CHD2: variants seen among roughly 807,000 people sequenced by gnomAD.
CHD2 encodes ATP-dependent chromatin remodeler CHD2.
In CHD2, 28 loss-of-function variants were observed where a neutral mutation model predicts 243.9. That is an observed-to-expected ratio of 0.11 (90% CI 0.09 to 0.16). CHD2 has a LOEUF of 0.16. Among genes scored for constraint, CHD2 ranks in the 10% least tolerant of loss-of-function variants. CHD2 has a pLI of 1.00. For missense variants in CHD2, 1,386 were observed against 2,209.8 expected, an observed-to-expected ratio of 0.63 and a Z score of 7.47; for synonymous variants, 775 against 779.0, an observed-to-expected ratio of 0.99 and a Z score of 0.09.
intron 5 of CHD2, 132 bp downstream of exon 5, chr15:92,929,223 G>A (rs1389138249): frequency 2.3e-5 from 18 of 775,494 alleles, no homozygotes; most frequent in Non-Finnish European, 6.3e-6. Flanking sequence ...ACTAGCTCGG[G>A]TGACTGTCTA....
chr15:92,924,668 T>C, intron 3 of CHD2, 116 bp downstream of exon 3: 1 of 822,140 alleles, frequency 1.2e-6, no homozygotes, highest in Non-Finnish European at 2.0e-6. Context: ...CAGCCATTTT[T>C]TCTAGTAATA....
intron 26 of CHD2, 75 bp downstream of exon 26, chr15:92,985,748 A>G: frequency 2.0e-6 from 3 of 1,463,516 alleles, no homozygotes; most frequent in Non-Finnish European, 2.8e-6. Flanking sequence ...TGGATCCTGG[A>G]CATCGTGACA....
chr15:92,944,527 G>A lies in CHD2; in HGVS notation c.1153+12G>A, dbSNP rs1331350556. ...AGAAAGAGTAATAGGTAAGTACATGGTAACTCACTTCAGCCATATTTGAAC... is the reference window on the plus strand; with the variant it reads ...AGAAAGAGTAATAGGTAAGTACATGATAACTCACTTCAGCCATATTTGAAC... On this transcript the variant is annotated intron_variant, in intron 10 of 38. Transcript: ENST00000394196. The A allele has an allele frequency of 1.5e-6, 2 of 1,362,444 alleles. No homozygotes were observed. Among genetic ancestry groups the A allele is most frequent in the Middle Eastern group, 1.9e-4 (1 of 5,402 alleles). The allele number at this position is 1,362,444 out of a possible 1,614,324, so 84.4% of individuals were successfully genotyped here.
intron 16 of CHD2, among the ~76,000 whole-genome samples, chr15:92,959,795 A>G (rs936149426): frequency 6.6e-6 from 1 of 152,208 alleles, no homozygotes; most frequent in African/African-American, 2.4e-5. Context: ...CCCGGCCTAG[A>G]CTGCTTTTTA....
At chr15:93,005,105 A>G (rs777108452) in intron 34 of CHD2, among the ~76,000 whole-genome samples, 2 of 152,162 alleles carry the variant, frequency 1.3e-5, no homozygotes, top group Non-Finnish European at 2.9e-5. Context: ...TGAATAGATA[A>G]CCATTTCTAT....
chr15:93,002,950 T>G (rs557638938), intron 33 of CHD2, among the ~76,000 whole-genome samples: 56 of 152,336 alleles, frequency 3.7e-4, no homozygotes, highest in African/African-American at 1.2e-3. Context: ...TGAAATTTTA[T>G]ATTAAATATA....
intron 2 of CHD2, chr15:92,904,724 A>G: frequency 1.4e-6 from 2 of 1,399,868 alleles, no homozygotes; most frequent in South Asian, 1.6e-5. Context: ...CTTAAAATAG[A>G]AAATTTGCCC....
intron 2 of CHD2, among the ~76,000 whole-genome samples, chr15:92,917,551 A>G (rs1419672273): frequency 6.6e-6 from 1 of 152,236 alleles, no homozygotes; most frequent in Non-Finnish European, 1.5e-5. Flanking sequence ...ACAGAGCGCG[A>G]CTTGGTCTCA....
intron 16 of CHD2, among the ~76,000 whole-genome samples, chr15:92,962,927 A>G (rs764717691): frequency 8.5e-5 from 13 of 152,050 alleles, no homozygotes; most frequent in Admixed American, 2.0e-4. Context: ...TTGTAAATCC[A>G]TTTTGTGTGA....
At chr15:92,904,831 A>G (rs767050162) in intron 2 of CHD2, 2 of 1,508,154 alleles carry the variant, frequency 1.3e-6, no homozygotes, top group South Asian at 1.3e-5. Flanking sequence ...ACAATTGACC[A>G]AAACGTTTGA....
At chr15:92,991,566 A>G (rs764056351) in intron 27 of CHD2, 49 bp downstream of exon 27, 2 of 1,368,008 alleles carry the variant, frequency 1.5e-6, no homozygotes, top group East Asian at 2.4e-5. Context: ...TGCTTTTATT[A>G]TATAGTACGT....
intron 2 of CHD2, among the ~76,000 whole-genome samples, chr15:92,912,675 AG>A (rs1433029181): frequency 6.6e-6 from 1 of 152,216 alleles, no homozygotes; most frequent in Non-Finnish European, 1.5e-5. Flanking sequence ...CTGGGACCAC[AG>A]GTGCCCGCCA....
At chr15:92,969,836 G>A in intron 17 of CHD2, among the ~76,000 whole-genome samples, 1 of 148,474 alleles carries the variant, frequency 6.7e-6, no homozygotes, top group Non-Finnish European at 1.5e-5. Context: ...TTTTGAGACG[G>A]AGTCTCACTC....
chr15:92,971,994 A>G (rs2053847608), intron 18 of CHD2, 67 bp downstream of exon 18: 1 of 1,492,710 alleles, frequency 6.7e-7, no homozygotes, highest in South Asian at 1.3e-5. Flanking sequence ...TTTTCATCAG[A>G]ATGCTCTATT....
At position 92,998,393 on chromosome 15, in the gene CHD2, T is replaced by C. The variant is rs571072118; in HGVS notation, c.3886-106T>C. 140 of 1,500,900 alleles carry C rather than the reference T, an allele frequency of 9.3e-5. 4 individuals are homozygous for C. The South Asian group carries it at 1.3e-3, about 14-fold the overall frequency. The allele number at this position is 1,500,900 out of a possible 1,614,324, so 93.0% of individuals were successfully genotyped here. On this transcript the variant is annotated intron_variant, in intron 30 of 38. Coordinates refer to ENST00000394196, the MANE Select transcript of CHD2 (RefSeq NM_001271.4). This position sits in a 1 kb window ranked among gnomAD's most constrained non-coding sequence, Gnocchi z 5.1. ...GAGGCTTTATCTATATTTTGGGTGG[T>C]TGGGGAGGGAAAGGACTGTGCTCAG... is the stretch of plus-strand genomic sequence containing the variant.
chr15:93,017,143 C>T (rs1245075861), intron 37 of CHD2, among the ~76,000 whole-genome samples: 8 of 152,140 alleles, frequency 5.3e-5, no homozygotes, highest in African/African-American at 1.4e-4. Context: ...TTGTCTGTTC[C>T]TCCAGCAGTG....
In CHD2 at chr15:92,985,049, A is replaced by C. The variant is rs148547346; in HGVS notation, c.3238-449A>C. Among the ~76,000 whole-genome samples, 6 of 152,342 alleles carry C rather than the reference A, an allele frequency of 3.9e-5. No individual in the cohort carries two copies. The East Asian group carries it at 1.2e-3, about 29-fold the overall frequency. Reference sequence around the variant, plus strand: ...TAGACACAGATTTGTTCAAGGTCACAGTAAATCAGTATGAGGTAACACTAG... The same window carrying C: ...TAGACACAGATTTGTTCAAGGTCACCGTAAATCAGTATGAGGTAACACTAG... On this transcript the variant is annotated intron_variant, in intron 25 of 38. Coordinates refer to ENST00000394196, the MANE Select transcript of CHD2 (RefSeq NM_001271.4).
intron 34 of CHD2, 81 bp from the exon 35 acceptor site, chr15:93,009,064 T>A: frequency 2.7e-6 from 4 of 1,474,612 alleles, no homozygotes; most frequent in Non-Finnish European, 3.7e-6. Context: ...GGGCTGTGTT[T>A]TCATCGAGAG....
intron 37 of CHD2, among the ~76,000 whole-genome samples, chr15:93,018,601 C>A (rs1041571346): frequency 2.6e-5 from 4 of 152,216 alleles, no homozygotes; most frequent in Non-Finnish European, 5.9e-5. Flanking sequence ...TTTATTTTCT[C>A]ACATTTCTGG....
Sources: allele counts gnomAD v4.1 joint callset (sites outside exome capture counted in the v4.1 genomes callset), GRCh38; gene constraint gnomAD v4.1.1; non-coding constraint Gnocchi (gnomAD v3.1); transcripts MANE v1.5; gene names NCBI Gene and HGNC (gene_info 2026-07-23, HGNC 2026-07-21).